The following ERLIN2 variants were observed in gnomAD, a reference collection of about 807,000 sequenced individuals.
ERLIN2 encodes the protein erlin-2.
ERLIN2 carries 22 observed loss-of-function variants against 41.5 expected under a neutral mutation model. The observed-to-expected ratio is 0.53, with a 90% CI of 0.38 to 0.76. The LOEUF is 0.76. Among genes scored for constraint, ERLIN2 ranks in the 30% least tolerant of loss-of-function variants. ERLIN2 has a pLI of 0.00. For synonymous variants in ERLIN2, 149 were observed against 150.9 expected, an observed-to-expected ratio of 0.99 and a Z score of 0.09; for missense variants, 247 against 414.3, an observed-to-expected ratio of 0.60 and a Z score of 3.51.
chr8:37,743,960 G>A (rs1802946439), intron 4 of ERLIN2, among the ~76,000 whole-genome samples: 1 of 152,192 alleles, frequency 6.6e-6, no homozygotes, highest in Non-Finnish European at 1.5e-5. Flanking sequence ...AAGTAATAGT[G>A]AAGACAGTTT....
rs1025572844 is a variant in ERLIN2 at position 37,741,346 on chromosome 8, T to C, written c.190-426T>C. ...TTGTTATAATTGTTCTATTTTATTA[T>C]TGTTGATCACTTACTGTACCTAATT... On this transcript the variant is annotated intron_variant, in intron 3 of 11. Transcript: ENST00000519638. The surrounding 1 kb of genome is among the most constrained non-coding windows in gnomAD (Gnocchi z 4.8). 3.9e-5 allele frequency among the ~76,000 whole-genome samples: 6 copies of C among 152,216 alleles called. No homozygotes were observed. The highest frequency in any genetic ancestry group is 2.1e-4 in the South Asian group (1 of 4,828).
intron 2 of ERLIN2, among the ~76,000 whole-genome samples, chr8:37,738,233 TTAG>T (rs1265323009): frequency 3.9e-5 from 6 of 152,242 alleles, no homozygotes; most frequent in African/African-American, 1.4e-4. Flanking sequence ...AGAACTTCAC[TTAG>T]TAGTCCAAGA....
intron 11 of ERLIN2, 37 bp downstream of exon 11, chr8:37,753,566 T>G (rs765310078): frequency 7.0e-5 from 111 of 1,576,930 alleles, no homozygotes; most frequent in Non-Finnish European, 9.2e-5. Context: ...AAGGAGTCTT[T>G]GGGTCTGGGT....
rs1585919614 is a variant in ERLIN2 at position 37,754,339 on chromosome 8, G to A, written c.*224G>A. The A allele has an allele frequency of 5.4e-6, 3 of 550,556 alleles. No individual in the cohort carries two copies. Among genetic ancestry groups the A allele is most frequent in the African/African-American group, 3.8e-5 (2 of 52,882 alleles). The allele number at this position is 550,556 out of a possible 1,614,324, so 34.1% of individuals were successfully genotyped here. A position where few individuals can be genotyped will look rare whatever the true frequency, so the allele number is the denominator to read the frequency against. ...AAGCAGTTTATATGACTTCCAATAA[G>A]ATTTGTAAATCATGGGCTTGACCTT... On this transcript the variant is annotated 3_prime_UTR_variant, in exon 12 of 12. Transcript: ENST00000519638.
intron 4 of ERLIN2, among the ~76,000 whole-genome samples, chr8:37,742,899 G>A (rs1184665979): frequency 6.6e-6 from 1 of 152,186 alleles, no homozygotes; most frequent in African/African-American, 2.4e-5. Flanking sequence ...TAAATGACCT[G>A]ATACAAGAAG....
chr8:37,740,096 G>A (rs1006607897), intron 2 of ERLIN2, among the ~76,000 whole-genome samples: 1 of 151,964 alleles, frequency 6.6e-6, no homozygotes, highest in Admixed American at 6.6e-5. Context: ...CTGCACTAGT[G>A]GGTTCTGCTG....
Position 37,744,404 on chromosome 8 carries a change from G to C in ERLIN2, c.286G>C (p.Val96Leu). ...CAGAATTGAAGTGGTGAACTTCCTG[G>C]TCCCGAACGCAGGTACGTCTTAACA... ...FDRIEVVNFLVPNAVYDIVKN... is the reference protein window; with the variant it reads ...FDRIEVVNFLLPNAVYDIVKN... Residue 96 changes from valine to leucine, a missense_variant, in exon 5 of 12, where the codon GTC becomes CTC. Around this residue, in one of 3 missense-constraint regions of ERLIN2, gnomAD observed 93 missense variants for 139.0 expected, o/e 0.67. Transcript: ENST00000519638. The C allele has an allele frequency of 6.2e-7, 1 of 1,614,032 alleles. No individual in the cohort carries two copies. The highest frequency in any genetic ancestry group is 8.5e-7 in the Non-Finnish European group (1 of 1,179,936).
At chr8:37,742,292 G>C (rs1297596700) in intron 4 of ERLIN2, among the ~76,000 whole-genome samples, 1 of 146,694 alleles carries the variant, frequency 6.8e-6, no homozygotes, top group Non-Finnish European at 1.5e-5. Context: ...AGTGAGCCAA[G>C]ATCACACAAT....
intron 6 of ERLIN2, chr8:37,746,491 A>G: frequency 1.0e-6 from 1 of 979,476 alleles, no homozygotes; most frequent in Non-Finnish European, 1.2e-6. Flanking sequence ...ATAAAATAAT[A>G]CCTATGTATA....
At chr8:37,737,421 T>C (rs541577102) in intron 1 of ERLIN2, 29 of 196,096 alleles carry the variant, frequency 1.5e-4, no homozygotes, top group African/African-American at 6.3e-4. Flanking sequence ...CTCCAGCATC[T>C]GAAAGGAGTA....
Position 37,747,808 on chromosome 8 carries a change from T to C in ERLIN2, c.425-1751T>C, listed in dbSNP as rs117576528. The C allele has an allele frequency of 1.7e-4, 279 of 1,614,184 alleles. 3 individuals carry two copies. In the South Asian group the frequency reaches 2.6e-3, roughly 15 times the overall value. On this transcript the variant is annotated intron_variant, in intron 6 of 11. Coordinates refer to ENST00000519638, the MANE Select transcript of ERLIN2 (RefSeq NM_007175.8). ...TTCGTCTTCTGTGTTACAAAACTTA[T>C]GGGCATGTTTGGCAGCATCAATCAC...
rs878913288 is a variant in ERLIN2 at position 37,741,685 on chromosome 8, TC to T, written c.190-85del. The T allele has an allele frequency of 6.7e-5, 66 of 991,892 alleles. 1 individual carries two copies. The South Asian group carries it at 8.2e-4, about 12-fold the overall frequency. 61.4% of individuals were successfully genotyped at this position (991,892 alleles called of 1,614,324 possible). A position where few individuals can be genotyped will look rare whatever the true frequency, so the allele number is the denominator to read the frequency against. On this transcript the variant is annotated intron_variant, in intron 3 of 11. Coordinates refer to ENST00000519638, the MANE Select transcript of ERLIN2 (RefSeq NM_007175.8). The surrounding 1 kb of genome is among the most constrained non-coding windows in gnomAD (Gnocchi z 4.8). Reference sequence around the variant, plus strand: ...GGCCATGCTCAACCCAAACAGTTATTCCAGGACAAAGGCATTTAGGATTCTG... The same window carrying T: ...GGCCATGCTCAACCCAAACAGTTATTCAGGACAAAGGCATTTAGGATTCTG...
Position 37,754,795 on chromosome 8 carries a change from A to G in ERLIN2, c.*680A>G, listed in dbSNP as rs1304486509. On this transcript the variant is annotated 3_prime_UTR_variant, in exon 12 of 12. Transcript: ENST00000519638. ...CTAGAGTCAGAGCTTGATCACCACA[A>G]CTCAATTATTTCGGCATCTTTTCAC... 1 of 152,186 alleles carries G rather than the reference A, an allele frequency of 6.6e-6. No homozygotes were observed. Among genetic ancestry groups the G allele is most frequent in the Non-Finnish European group, 1.5e-5 (1 of 68,430 alleles). The allele number at this position is 152,186 out of a possible 1,614,324, so 9.4% of individuals were successfully genotyped here. A position where few individuals can be genotyped will look rare whatever the true frequency, so the allele number is the denominator to read the frequency against.
intron 6 of ERLIN2, chr8:37,746,526 TGTAAA>T (rs1468251085): frequency 4.1e-6 from 4 of 973,352 alleles, no homozygotes; most frequent in Non-Finnish European, 4.9e-6. Flanking sequence ...AAATAGCAAA[TGTAAA>T]GTAAAAGATA....
intron 9 of ERLIN2, among the ~76,000 whole-genome samples, chr8:37,751,131 G>T (rs1803209073): frequency 6.6e-6 from 1 of 152,228 alleles, no homozygotes; most frequent in Admixed American, 6.5e-5. Flanking sequence ...CACTGTGGAG[G>T]TAGGTACTGT....
rs1803338366 is a variant in ERLIN2, at chr8:37,755,570, C to CCCCCCCCCCA, written c.*1464_*1465insACCCCCCCCC. 1.6e-4 allele frequency: 1 copy of CCCCCCCCCCA among 6,154 alleles called. No homozygotes were observed. Among genetic ancestry groups the CCCCCCCCCCA allele is most frequent in the Non-Finnish European group, 3.2e-4 (1 of 3,154 alleles). The allele number at this position is 6,154 out of a possible 1,614,324, so 0.4% of individuals were successfully genotyped here. A position where few individuals can be genotyped will look rare whatever the true frequency, so the allele number is the denominator to read the frequency against. On this transcript the variant is annotated 3_prime_UTR_variant, in exon 12 of 12. Transcript: ENST00000519638. ...GCTGACCCCCACCCCCCACCCCCCACCCCCCCCCCCCGCCAACTCCTATAC... is the reference window on the plus strand; with the variant it reads ...GCTGACCCCCACCCCCCACCCCCCACCCCCCCCCCACCCCCCCCCCCGCCAACTCCTATAC...
chr8:37,739,683 C>T (rs1044427597), intron 2 of ERLIN2, among the ~76,000 whole-genome samples: 1 of 152,114 alleles, frequency 6.6e-6, no homozygotes, highest in South Asian at 2.1e-4. Context: ...CCATGTTGGC[C>T]AGGCTGGTCT....
chr8:37,745,989 A>G, intron 6 of ERLIN2: 1 of 1,018,328 alleles, frequency 9.8e-7, no homozygotes, highest in Non-Finnish European at 1.2e-6. Flanking sequence ...AAATTAAAAT[A>G]CAAAGTTGTT....
intron 6 of ERLIN2, among the ~76,000 whole-genome samples, chr8:37,749,311 A>G (rs529402624): frequency 6.6e-6 from 1 of 152,308 alleles, no homozygotes; most frequent in African/African-American, 2.4e-5. Context: ...TATTTTCAGA[A>G]CAAAGGTTGA....
Sources: gnomAD v4.1 joint callset for allele counts (sites outside exome capture counted in the v4.1 genomes callset) on GRCh38, gnomAD v4.1.1 for gene constraint, gnomAD v4.1.1 regional missense constraint, Gnocchi (gnomAD v3.1) non-coding constraint, MANE v1.5 for transcripts, NCBI Gene and HGNC (gene_info 2026-07-23, HGNC 2026-07-21) for gene names.